Variants in EXD3 observed in about 807,000 individuals in gnomAD.
EXD3 encodes exonuclease mut-7 homolog.
EXD3 carries 92 observed loss-of-function variants against 98.0 expected under a neutral mutation model. That is an observed-to-expected ratio of 0.94 (90% CI 0.79 to 1.12). The LOEUF (loss-of-function observed/expected upper bound fraction) is 1.12, where lower values mean the gene tolerates loss of function less well. EXD3 is among the 50% of genes most tolerant of loss of function. EXD3 has a pLI of 0.00. For synonymous variants in EXD3, 569 were observed against 526.0 expected (o/e 1.08, Z -1.12); for missense variants, 1,222 against 1,191.6 (o/e 1.03, Z -0.38).
rs1197908831 is a variant in EXD3, at chr9:137,395,352, G to A, written c.6C>T (p.Asp2=). 1.9e-6 allele frequency: 3 copies of A among 1,613,260 alleles called. No individual in the cohort carries two copies. The highest frequency in any genetic ancestry group is 1.1e-5 in the South Asian group (1 of 91,088). Residue 2 remains aspartate, a synonymous_variant, in exon 2 of 22, where the codon GAC becomes GAT. Coordinates refer to ENST00000340951, the MANE Select transcript of EXD3 (RefSeq NM_017820.5). The surrounding 1 kb of genome is among the most constrained non-coding windows in gnomAD (Gnocchi z 6.5). The part of the protein sequence containing the change: M[D]PGDPAGDPAA... ...CAGGGTCACCAGCGGGATCTCCTGGGTCCATCCTCAGGGCCGGGCCGAGGA... is the reference window on the plus strand; with the variant it reads ...CAGGGTCACCAGCGGGATCTCCTGGATCCATCCTCAGGGCCGGGCCGAGGA...
intron 5 of EXD3, 94 bp downstream of exon 5, chr9:137,372,811 G>A: frequency 7.6e-7 from 1 of 1,317,150 alleles, no homozygotes; most frequent in Non-Finnish European, 1.0e-6. Context: ...GCCCCAAACA[G>A]CCCCCACACA....
At chr9:137,391,583 G>A (rs1218122196) in intron 2 of EXD3, among the ~76,000 whole-genome samples, 2 of 34,312 alleles carry the variant, frequency 5.8e-5, no homozygotes, top group African/African-American at 1.2e-4. Context: ...CCCACCGCCC[G>A]CCGGCCCTGG....
intron 3 of EXD3, among the ~76,000 whole-genome samples, chr9:137,377,807 T>G (rs1295789106): frequency 1.3e-5 from 2 of 149,772 alleles, no homozygotes; most frequent in Non-Finnish European, 3.0e-5. Context: ...TTTTTTTTTT[T>G]TCCTGGGACA....
At chr9:137,311,921 C>T (rs1157877735) in intron 19 of EXD3, among the ~76,000 whole-genome samples, 1 of 152,166 alleles carries the variant, frequency 6.6e-6, no homozygotes, top group Non-Finnish European at 1.5e-5. Flanking sequence ...AGCGATCGTC[C>T]ACCTGAGACC....
rs914529306 is a variant in EXD3 at position 137,420,744 on chromosome 9, C to CCT, written c.-48+2369_-48+2370insAG. 2.7e-5 allele frequency among the ~76,000 whole-genome samples: 4 copies of CCT among 147,564 alleles called. 2 individuals carry two copies. The highest frequency in any genetic ancestry group is 2.7e-4 in the Admixed American group (4 of 14,824). The stretch of plus-strand genomic sequence containing the variant: ...CCTGGAGGACAGACATTCACCCCCC[C>CCT]CCCCAAATTCATACAGGTATTATAC... On this transcript the variant is annotated intron_variant, in intron 1 of 21. Transcript: ENST00000340951.
chr9:137,311,814 G>T (rs750436262), intron 19 of EXD3, among the ~76,000 whole-genome samples: 1 of 152,184 alleles, frequency 6.6e-6, no homozygotes, highest in Non-Finnish European at 1.5e-5. Flanking sequence ...CTCCAGGGCT[G>T]GCAGCCCTTG....
At chr9:137,382,875 C>T (rs1564195432) in intron 3 of EXD3, among the ~76,000 whole-genome samples, 1 of 152,190 alleles carries the variant, frequency 6.6e-6, no homozygotes, top group Non-Finnish European at 1.5e-5. Flanking sequence ...GTAGCCTCTC[C>T]CCTGGCCTCT....
intron 17 of EXD3, among the ~76,000 whole-genome samples, chr9:137,340,654 G>A (rs1833602878): frequency 6.6e-6 from 1 of 151,914 alleles, no homozygotes; most frequent in Admixed American, 6.6e-5. Context: ...CGGTCCCCCA[G>A]GTGGCCAGGA....
At chr9:137,323,971 G>A (rs367595572) in intron 18 of EXD3, 115 bp from the exon 19 acceptor site, 14 of 1,527,650 alleles carry the variant, frequency 9.2e-6, no homozygotes, top group Middle Eastern at 1.7e-4. Flanking sequence ...CCAGGGGTAC[G>A]GCAGAGGCGC....
At chr9:137,339,896 T>TA (rs901201464) in intron 17 of EXD3, among the ~76,000 whole-genome samples, 5 of 152,052 alleles carry the variant, frequency 3.3e-5, no homozygotes, top group South Asian at 2.1e-4. Context: ...ACTAATGAAA[T>TA]AAGATAAAGA....
At chr9:137,327,480 T>A (rs955294233) in intron 17 of EXD3, among the ~76,000 whole-genome samples, 5 of 152,034 alleles carry the variant, frequency 3.3e-5, no homozygotes, top group African/African-American at 4.8e-5. Flanking sequence ...GGGGTGGTGG[T>A]GATGGATATG....
intron 2 of EXD3, chr9:137,392,694 G>A: frequency 2.9e-6 from 1 of 343,138 alleles, no homozygotes; most frequent in South Asian, 2.3e-5. Flanking sequence ...GGGGTGCTGT[G>A]TCTGTTCTGG....
rs554762300 is a variant in EXD3, at chr9:137,317,335, C to T, written c.2184+6390G>A. 2.6e-4 allele frequency among the ~76,000 whole-genome samples: 40 copies of T among 152,288 alleles called. 1 individual carries two copies. The South Asian group carries it at 7.9e-3, about 30-fold the overall frequency. On this transcript the variant is annotated intron_variant, in intron 19 of 21. Coordinates refer to ENST00000340951, the MANE Select transcript of EXD3 (RefSeq NM_017820.5). Reference sequence around the variant, plus strand: ...ACCTGGCCATGGCCGGTCCCTCCTGCGTGCACCCCTGGCACCCCGAGGACA... The same window carrying T: ...ACCTGGCCATGGCCGGTCCCTCCTGTGTGCACCCCTGGCACCCCGAGGACA...
intron 17 of EXD3, among the ~76,000 whole-genome samples, chr9:137,345,205 GCT>G (rs1833855044): frequency 6.6e-6 from 1 of 152,270 alleles, no homozygotes; most frequent in African/African-American, 2.4e-5. Context: ...CATCCTCTGG[GCT>G]CTCGCCCGGA....
chr9:137,401,152 C>CTTTTTTTTT (rs34114761), intron 1 of EXD3, among the ~76,000 whole-genome samples: 1 of 108,340 alleles, frequency 9.2e-6, no homozygotes. Context: ...CACCCATTTC[C>CTTTTTTTTT]TTTTTTTTTT....
intron 1 of EXD3, among the ~76,000 whole-genome samples, chr9:137,398,161 G>A (rs1837301086): frequency 6.6e-6 from 1 of 152,234 alleles, no homozygotes; most frequent in African/African-American, 2.4e-5. Context: ...AGAAGGACCA[G>A]ATTGAAAGAA....
chr9:137,392,432 C>CA (rs922459817), intron 2 of EXD3: 4 of 168,408 alleles, frequency 2.4e-5, no homozygotes, highest in African/African-American at 9.6e-5. Context: ...ATGTCCTGCT[C>CA]AGTGACCAGG....
intron 3 of EXD3, among the ~76,000 whole-genome samples, chr9:137,374,111 A>G (rs1376033269): frequency 6.6e-6 from 1 of 152,282 alleles, no homozygotes; most frequent in Non-Finnish European, 1.5e-5. Flanking sequence ...GGAAGATTCT[A>G]CAGCAAGTTG....
At chr9:137,362,417 C>T (rs1835033421) in intron 7 of EXD3, among the ~76,000 whole-genome samples, 1 of 152,088 alleles carries the variant, frequency 6.6e-6, no homozygotes, top group South Asian at 2.1e-4. Flanking sequence ...ACCATGTGTT[C>T]ATCTCAATAG....
Sources: allele counts gnomAD v4.1 joint callset (sites outside exome capture counted in the v4.1 genomes callset), GRCh38; gene constraint gnomAD v4.1.1; non-coding constraint Gnocchi (gnomAD v3.1); transcripts MANE v1.5; gene names NCBI Gene and HGNC (gene_info 2026-07-23, HGNC 2026-07-21).